The following SMARCA2 variants were observed in gnomAD, a reference collection of about 807,000 sequenced individuals.
SMARCA2 encodes SWI/SNF-related matrix-associated actin-dependent regulator of chromatin subfamily A member 2.
In SMARCA2, 61 loss-of-function variants were observed where a neutral mutation model predicts 199.8. The observed-to-expected ratio is 0.31, with a 90% CI of 0.25 to 0.38. The LOEUF is 0.38. SMARCA2 is among the 10% of genes least tolerant of loss of function. The probability of loss-of-function intolerance (pLI) is 1.00; values close to 1 mark genes in which losing one functional copy is unlikely to be tolerated. For synonymous variants in SMARCA2, 935 were observed against 732.0 expected (o/e 1.28, Z -4.48); for missense variants, 1,344 against 2,012.2 (o/e 0.67, Z 6.35).
At chr9:2,092,428 A>G (rs903811394) in intron 19 of SMARCA2, among the ~76,000 whole-genome samples, 1 of 152,238 alleles carries the variant, frequency 6.6e-6, no homozygotes, top group Non-Finnish European at 1.5e-5. Context: ...TAGCGTTTAG[A>G]ACCTGAGACT....
Position 2,084,370 on chromosome 9 carries a change from CTGTGTGTGTGTGTGTGTGTG to C in SMARCA2, c.2526+202_2526+221del, listed in dbSNP as rs3057851. On this transcript the variant is annotated intron_variant, in intron 17 of 33. Transcript: ENST00000349721. Reference sequence around the variant, plus strand: ...GGTCGTGGATTTGATTTCATGCATGCTGTGTGTGTGTGTGTGTGTGTGTGTGTGTGTGTGTGTGTGTGTGT... The same window carrying C: ...GGTCGTGGATTTGATTTCATGCATGCTGTGTGTGTGTGTGTGTGTGTGTGT... Among the ~76,000 whole-genome samples the C allele has an allele frequency of 1.1e-4, 15 of 132,424 alleles. No homozygotes were observed. In the East Asian group the frequency reaches 1.3e-3, roughly 12 times the overall value. 86.9% of individuals were successfully genotyped at this position (132,424 alleles called of 152,430 possible). A position where few individuals can be genotyped will look rare whatever the true frequency, so the allele number is the denominator to read the frequency against.
At chr9:2,091,814 C>T (rs1003966400) in intron 19 of SMARCA2, among the ~76,000 whole-genome samples, 3 of 152,134 alleles carry the variant, frequency 2.0e-5, no homozygotes, top group Non-Finnish European at 2.9e-5. Flanking sequence ...TGCATAGTGG[C>T]GTCTTGTAAC....
chr9:2,117,351 G>A (rs1445471576), intron 25 of SMARCA2, among the ~76,000 whole-genome samples: 1 of 152,084 alleles, frequency 6.6e-6, no homozygotes, highest in Non-Finnish European at 1.5e-5. Context: ...TCATGAAAAT[G>A]ATAAAAAATA....
intron 5 of SMARCA2, among the ~76,000 whole-genome samples, chr9:2,049,475 T>C (rs1322691228): frequency 2.0e-5 from 3 of 152,244 alleles, no homozygotes; most frequent in African/African-American, 7.2e-5. Flanking sequence ...TTACAAAATG[T>C]GGAGAATGGC....
At chr9:2,114,315 C>A (rs1224996448) in intron 24 of SMARCA2, among the ~76,000 whole-genome samples, 1 of 152,200 alleles carries the variant, frequency 6.6e-6, no homozygotes. Flanking sequence ...ATTCAAATAT[C>A]TGCTGAGGAA....
Position 2,181,655 on chromosome 9 carries a change from A to T in SMARCA2, c.4338A>T (p.Pro1446=), listed in dbSNP as rs552366704. Residue 1446 remains proline (P), a synonymous_variant, in exon 30 of 34, where the codon CCA becomes CCT. Coordinates refer to ENST00000349721, the MANE Select transcript of SMARCA2 (RefSeq NM_003070.5). The part of the protein sequence containing the change: ...LPEYYELIRK[P]VDFKKIKERI... The stretch of plus-strand genomic sequence containing the variant: ...AATACTATGAATTAATTAGGAAGCC[A>T]GTGGATTTCAAAAAAATAAAGGTAG... 6.6e-7 allele frequency: 1 copy of T among 1,513,480 alleles called. No individual in the cohort carries two copies. Among genetic ancestry groups the T allele is most frequent in the Admixed American group, 1.7e-5 (1 of 59,528 alleles). 93.8% of individuals were successfully genotyped at this position (1,513,480 alleles called of 1,614,324 possible). A position where few individuals can be genotyped will look rare whatever the true frequency, so the allele number is the denominator to read the frequency against.
chr9:2,110,070 T>C lies in SMARCA2; in HGVS notation c.3293-184T>C, dbSNP rs1196182867. Among the ~76,000 whole-genome samples, 1 of 151,644 alleles carries C rather than the reference T, an allele frequency of 6.6e-6. No homozygotes were observed. Among genetic ancestry groups the C allele is most frequent in the Non-Finnish European group, 1.5e-5 (1 of 67,860 alleles). ...TAGAAATGTTTAAGCTGTTTCTTTC[T>C]TTTTTTTTGTAATTGCAAAATGTTC... On this transcript the variant is annotated intron_variant, in intron 23 of 33. Coordinates refer to ENST00000349721, the MANE Select transcript of SMARCA2 (RefSeq NM_003070.5). The surrounding 1 kb of genome is among the most constrained non-coding windows in gnomAD (Gnocchi z 4.8).
chr9:2,189,205 C>G (rs1490944723), intron 32 of SMARCA2, among the ~76,000 whole-genome samples: 2 of 152,140 alleles, frequency 1.3e-5, no homozygotes, highest in African/African-American at 4.8e-5. Context: ...TTCTGTCCAC[C>G]ACACTTGGTA....
chr9:2,023,243 G>A (rs1342597829), intron 1 of SMARCA2, among the ~76,000 whole-genome samples: 2 of 152,158 alleles, frequency 1.3e-5, no homozygotes, highest in Non-Finnish European at 2.9e-5. Flanking sequence ...TGTGCACAGA[G>A]CTGCCTCACA....
At chr9:2,097,069 C>T in intron 20 of SMARCA2, 1 of 494,134 alleles carries the variant, frequency 2.0e-6, no homozygotes, top group Non-Finnish European at 3.6e-6. Flanking sequence ...TCCAGTTTCA[C>T]TCCCTGGGCA....
chr9:2,190,230 T>G (rs1827783900), intron 32 of SMARCA2, among the ~76,000 whole-genome samples: 1 of 152,212 alleles, frequency 6.6e-6, no homozygotes, highest in African/African-American at 2.4e-5. Flanking sequence ...TTCTGAAGGC[T>G]AATCTGACAG....
intron 12 of SMARCA2, among the ~76,000 whole-genome samples, chr9:2,075,581 G>A (rs1174341052): frequency 2.0e-5 from 3 of 152,196 alleles, no homozygotes; most frequent in Non-Finnish European, 4.4e-5. Flanking sequence ...ACAAGATCCA[G>A]GTCCTCTACA....
chr9:2,101,518 A>C (rs1267698239), intron 21 of SMARCA2, 52 bp from the exon 22 acceptor site: 54 of 946,020 alleles, frequency 5.7e-5, no homozygotes, highest in Non-Finnish European at 7.9e-5. Context: ...GTAATCATTA[A>C]GTTAATAATT....
At chr9:2,091,638 G>T (rs1374016024) in intron 19 of SMARCA2, among the ~76,000 whole-genome samples, 1 of 152,116 alleles carries the variant, frequency 6.6e-6, no homozygotes, top group Non-Finnish European at 1.5e-5. Context: ...CTGGTTGATC[G>T]AATGGTCAGT....
In SMARCA2 at chr9:2,191,567, G is replaced by C. The variant is rs1013238424; in HGVS notation, c.4737+159G>C. On this transcript the variant is annotated intron_variant, in intron 33 of 33. Transcript: ENST00000349721. ...ATTATTGAGGGATGTGAACGGAGCT[G>C]TATGATTTAGAACAAAGGATTGGGG... 5 of 760,262 alleles carry C rather than the reference G, an allele frequency of 6.6e-6. No individual in the cohort carries two copies. In the Admixed American group the frequency reaches 1.3e-4, roughly 20 times the overall value. 47.1% of individuals were successfully genotyped at this position (760,262 alleles called of 1,614,324 possible). A position where few individuals can be genotyped will look rare whatever the true frequency, so the allele number is the denominator to read the frequency against.
At chr9:2,166,620 T>C (rs1175953711) in intron 28 of SMARCA2, among the ~76,000 whole-genome samples, 2 of 152,216 alleles carry the variant, frequency 1.3e-5, no homozygotes, top group Non-Finnish European at 2.9e-5. Context: ...GCAAAAATTA[T>C]GTTTACTATG....
Position 2,161,733 on chromosome 9 carries a change from TAAG to T in SMARCA2, c.4033_4035del (p.Lys1345del), listed in dbSNP as rs1374192175. ...AGGAAATGGAAGAGGAAGTACGGCT[TAAG>T]AAGCGAAAAAGACGAAGAAATGTGG... On this transcript the variant is annotated inframe_deletion, in exon 28 of 34. Transcript: ENST00000349721. This position sits in a 1 kb window ranked among gnomAD's most constrained non-coding sequence, Gnocchi z 4.7. The T allele has an allele frequency of 6.2e-7, 1 of 1,613,866 alleles. No homozygotes were observed. Among genetic ancestry groups the T allele is most frequent in the Non-Finnish European group, 8.5e-7 (1 of 1,179,956 alleles).
intron 9 of SMARCA2, among the ~76,000 whole-genome samples, chr9:2,070,192 G>T (rs189037492): frequency 3.1e-4 from 47 of 152,270 alleles, no homozygotes; most frequent in Non-Finnish European, 5.6e-4. Flanking sequence ...TCTCTAGTGT[G>T]CTGGCCTCAG....
chr9:2,103,938 T>C, intron 22 of SMARCA2, 65 bp from the exon 23 acceptor site: 1 of 1,433,020 alleles, frequency 7.0e-7, no homozygotes, highest in Non-Finnish European at 9.7e-7. Context: ...AGCAAAGCAA[T>C]GCTGGATTTT....
Sources: gnomAD v4.1 joint callset for allele counts (sites outside exome capture counted in the v4.1 genomes callset) on GRCh38, gnomAD v4.1.1 for gene constraint, Gnocchi (gnomAD v3.1) non-coding constraint, MANE v1.5 for transcripts, NCBI Gene and HGNC (gene_info 2026-07-23, HGNC 2026-07-21) for gene names.